Variants in PPHLN1 observed in about 807,000 individuals in gnomAD.
PPHLN1 encodes periphilin-1.
In PPHLN1, 29 loss-of-function variants were observed where a neutral mutation model predicts 51.3. The observed-to-expected ratio is 0.57, with a 90% CI of 0.42 to 0.77. The LOEUF (loss-of-function observed/expected upper bound fraction) is 0.77. Among genes scored for constraint, PPHLN1 ranks in the 30% least tolerant of loss-of-function variants. The probability of loss-of-function intolerance (pLI) is 0.00; values close to 1 mark genes in which losing one functional copy is unlikely to be tolerated. For synonymous variants in PPHLN1, 147 were observed against 147.8 expected (o/e 0.99, Z 0.04); for missense variants, 436 against 438.4 (o/e 0.99, Z 0.05).
chr12:42,375,193 T>G (rs771614147), intron 5 of PPHLN1, 119 bp downstream of exon 5: 27 of 820,280 alleles, frequency 3.3e-5, no homozygotes, highest in Non-Finnish European at 4.6e-5. Context: ...TTTGAAAAAT[T>G]TCAAACTTAC....
chr12:42,428,084 C>T (rs1462443030), intron 9 of PPHLN1, among the ~76,000 whole-genome samples: 3 of 151,914 alleles, frequency 2.0e-5, no homozygotes, highest in African/African-American at 7.3e-5. Context: ...CAAGAATGGC[C>T]GTAATCAAAA....
downstream of PPHLN1, chr12:42,446,700 TGATGTAGGA>T: frequency 6.5e-7 from 1 of 1,531,718 alleles, no homozygotes; most frequent in East Asian, 2.3e-5. Flanking sequence ...AGAAAAGGGG[TGATGTAGGA>T]GATGGTCAGG....
intron 9 of PPHLN1, among the ~76,000 whole-genome samples, chr12:42,418,308 A>G (rs1221153185): frequency 6.6e-6 from 1 of 150,968 alleles, no homozygotes; most frequent in Non-Finnish European, 1.5e-5. Flanking sequence ...CTATTTTAAA[A>G]CAAAGATGAG....
intron 2 of PPHLN1, among the ~76,000 whole-genome samples, chr12:42,342,864 TTAAG>T (rs1414797292): frequency 2.6e-5 from 4 of 152,362 alleles, no homozygotes; most frequent in Non-Finnish European, 4.4e-5. Flanking sequence ...GTTTTTGTAA[TTAAG>T]TAGTTAAATA....
At chr12:42,436,657 G>C (rs569439387) in intron 9 of PPHLN1, among the ~76,000 whole-genome samples, 1 of 152,090 alleles carries the variant, frequency 6.6e-6, no homozygotes, top group African/African-American at 2.4e-5. Context: ...GTGGATCCCT[G>C]AAACTCAGAT....
chr12:42,391,324 C>T (rs574394985), intron 7 of PPHLN1, among the ~76,000 whole-genome samples: 57 of 152,244 alleles, frequency 3.7e-4, no homozygotes, highest in African/African-American at 1.3e-3. Context: ...CTGCAACCTC[C>T]ACCTCCCAGG....
At chr12:42,353,963 G>A (rs2073726401) in intron 3 of PPHLN1, among the ~76,000 whole-genome samples, 1 of 152,112 alleles carries the variant, frequency 6.6e-6, no homozygotes, top group South Asian at 2.1e-4. Context: ...AAGCATACTT[G>A]TGATCCTTAA....
At chr12:42,350,979 G>T (rs1426124493) in intron 2 of PPHLN1, among the ~76,000 whole-genome samples, 2 of 151,868 alleles carry the variant, frequency 1.3e-5, no homozygotes, top group East Asian at 3.9e-4. Flanking sequence ...GGAGGGAGAG[G>T]GGGAGACCAT....
chr12:42,368,362 T>C (rs577002746), intron 4 of PPHLN1, among the ~76,000 whole-genome samples: 39 of 152,312 alleles, frequency 2.6e-4, no homozygotes, highest in African/African-American at 8.9e-4. Context: ...CTCAGTTATA[T>C]AAAATATTTT....
intron 3 of PPHLN1, among the ~76,000 whole-genome samples, chr12:42,354,344 G>A (rs1001420395): frequency 4.6e-5 from 7 of 151,954 alleles, no homozygotes; most frequent in African/African-American, 1.2e-4. Context: ...TCAGCCTCCC[G>A]AGTAACTGGG....
At chr12:42,387,029 T>G (rs1487481382) in intron 6 of PPHLN1, 2 of 152,994 alleles carry the variant, frequency 1.3e-5, no homozygotes, top group Non-Finnish European at 2.9e-5. Flanking sequence ...AAAGTTCCTA[T>G]GTAGATCCTC....
At chr12:42,446,115 G>GACACA, downstream of PPHLN1, 1 of 1,559,012 alleles carries the variant, frequency 6.4e-7, no homozygotes. Flanking sequence ...CGGAAGAAAC[G>GACACA]GGTTCGTCGG....
intron 9 of PPHLN1, among the ~76,000 whole-genome samples, chr12:42,425,287 T>C (rs2081357427): frequency 7.3e-6 from 1 of 137,576 alleles, no homozygotes; most frequent in Non-Finnish European, 1.5e-5. Context: ...AGAGACAGGG[T>C]TTCACCATGG....
chr12:42,355,457 C>T, intron 4 of PPHLN1: 1 of 400,868 alleles, frequency 2.5e-6, no homozygotes, highest in Non-Finnish European at 4.6e-6. Context: ...AATATTTGGG[C>T]CTGGTGCGGT....
chr12:42,336,875 C>T (rs909800208), intron 2 of PPHLN1, among the ~76,000 whole-genome samples: 15 of 152,088 alleles, frequency 9.9e-5, no homozygotes, highest in African/African-American at 2.9e-4. Context: ...TTTATGTCTA[C>T]GTTAGTTATT....
chr12:42,391,768 C>T (rs1483950079), intron 7 of PPHLN1, among the ~76,000 whole-genome samples: 8 of 152,048 alleles, frequency 5.3e-5, no homozygotes, highest in African/African-American at 1.4e-4. Context: ...TATATGGACA[C>T]GGCTTTGGAA....
chr12:42,393,623 C>G lies in PPHLN1; in HGVS notation c.702C>G (p.Ser234Arg). ...LTEKELAEAA[S>R]KWAAEKLEKS... ...AAAAGGAACTTGCTGAGGCTGCAAG[C>G]AAGTGGGCTGCTGAAAAGCTAGAGA... The change falls in exon 8 of 10, where the codon AGC becomes AGG. Residue 234 changes from serine (S) to arginine (R), a missense_variant. Transcript: ENST00000358314. 6.2e-7 allele frequency: 1 copy of G among 1,610,932 alleles called. No homozygotes were observed. Among genetic ancestry groups the G allele is most frequent in the Non-Finnish European group, 8.5e-7 (1 of 1,178,656 alleles).
At chr12:42,333,576 G>A (rs1250603187) in intron 1 of PPHLN1, among the ~76,000 whole-genome samples, 1 of 151,714 alleles carries the variant, frequency 6.6e-6, no homozygotes, top group East Asian at 1.9e-4. Flanking sequence ...TCCGCCTCCC[G>A]GGTTCATGCC....
intron 4 of PPHLN1, among the ~76,000 whole-genome samples, chr12:42,365,909 T>A (rs2075223421): frequency 6.6e-6 from 1 of 152,236 alleles, no homozygotes; most frequent in Non-Finnish European, 1.5e-5. Context: ...TTCATTGTAT[T>A]GAATGCATTG....
Sources: allele counts gnomAD v4.1 joint callset (sites outside exome capture counted in the v4.1 genomes callset), GRCh38; gene constraint gnomAD v4.1.1; transcripts MANE v1.5; gene names NCBI Gene and HGNC (gene_info 2026-07-23, HGNC 2026-07-21).